Variants in CPED1 observed in about 807,000 individuals in gnomAD.
CPED1 encodes the protein cadherin-like and PC-esterase domain-containing protein 1.
In CPED1, 114 loss-of-function variants were observed where a neutral mutation model predicts 128.2. That is an observed-to-expected ratio of 0.89 (90% CI 0.76 to 1.04). The LOEUF (loss-of-function observed/expected upper bound fraction) is 1.04. Ranked by LOEUF, CPED1 falls within the 50% of genes least tolerant of loss-of-function variation. CPED1 has a pLI of 0.00. For missense variants in CPED1, 1,211 were observed against 1,207.1 expected (o/e 1.00, Z -0.05); for synonymous variants, 462 against 426.7 (o/e 1.08, Z -1.02).
chr7:121,185,616 A>G (rs1213850242), intron 16 of CPED1, among the ~76,000 whole-genome samples: 1 of 152,172 alleles, frequency 6.6e-6, no homozygotes, highest in Non-Finnish European at 1.5e-5. Context: ...GAGAAAGACA[A>G]TGTTCAACAT....
intron 17 of CPED1, among the ~76,000 whole-genome samples, chr7:121,242,919 T>G (rs760849753): frequency 9.2e-5 from 14 of 152,168 alleles, no homozygotes; most frequent in Non-Finnish European, 1.6e-4. Context: ...ATCTTTCATA[T>G]TTTATATTAA....
At chr7:121,272,679 C>T (rs1682288675) in intron 22 of CPED1, among the ~76,000 whole-genome samples, 1 of 152,094 alleles carries the variant, frequency 6.6e-6, no homozygotes, top group Non-Finnish European at 1.5e-5. Flanking sequence ...GCTGGAAATA[C>T]AGTTAGTTCC....
intron 16 of CPED1, among the ~76,000 whole-genome samples, chr7:121,185,052 G>T (rs942148287): frequency 1.3e-5 from 2 of 151,998 alleles, no homozygotes; most frequent in African/African-American, 4.8e-5. Context: ...TTTCAGACAT[G>T]GATGCTGTTT....
intron 16 of CPED1, among the ~76,000 whole-genome samples, chr7:121,160,128 A>C (rs1374886427): frequency 1.3e-5 from 2 of 151,964 alleles, no homozygotes; most frequent in East Asian, 1.9e-4. Flanking sequence ...TTTTTATTTA[A>C]TTTTAAATGT....
intron 5 of CPED1, among the ~76,000 whole-genome samples, chr7:121,074,512 T>TTTTTTTG (rs1189272102): frequency 8.9e-5 from 12 of 134,658 alleles, no homozygotes; most frequent in African/African-American, 3.6e-4. Context: ...CCTTTGTGTT[T>TTTTTTTG]TTTTTTTTTT....
chr7:121,274,058 T>C (rs1464247283), intron 22 of CPED1, among the ~76,000 whole-genome samples: 1 of 152,186 alleles, frequency 6.6e-6, no homozygotes, highest in East Asian at 1.9e-4. Context: ...ATAATGTGTC[T>C]TCAATTCATA....
intron 16 of CPED1, among the ~76,000 whole-genome samples, chr7:121,146,635 C>T (rs1796029692): frequency 6.6e-6 from 1 of 152,086 alleles, no homozygotes; most frequent in Admixed American, 6.6e-5. Context: ...ATTACAATAA[C>T]ATTTTGATAA....
intron 3 of CPED1, among the ~76,000 whole-genome samples, chr7:121,033,961 G>C (rs1241722343): frequency 1.3e-5 from 2 of 152,096 alleles, no homozygotes; most frequent in African/African-American, 4.8e-5. Flanking sequence ...TGTTAACCCA[G>C]ATATGATGAG....
intron 16 of CPED1, among the ~76,000 whole-genome samples, chr7:121,164,720 C>G (rs557979763): frequency 6.6e-6 from 1 of 152,272 alleles, no homozygotes; most frequent in South Asian, 2.1e-4. Flanking sequence ...GGTGCATTCT[C>G]TTTTCAATAC....
intron 14 of CPED1, among the ~76,000 whole-genome samples, chr7:121,139,114 C>A (rs1457706112): frequency 2.0e-5 from 3 of 151,772 alleles, no homozygotes; most frequent in Non-Finnish European, 4.4e-5. Flanking sequence ...CTGTTAGGAT[C>A]GTTGAAATTA....
chr7:121,080,656 T>C (rs1362784497), intron 5 of CPED1, among the ~76,000 whole-genome samples: 1 of 152,140 alleles, frequency 6.6e-6, no homozygotes, highest in Non-Finnish European at 1.5e-5. Flanking sequence ...GAAAGAGAAC[T>C]ATACTGTACT....
At chr7:121,088,607 C>T (rs1343102491) in intron 5 of CPED1, among the ~76,000 whole-genome samples, 1 of 150,104 alleles carries the variant, frequency 6.7e-6, no homozygotes, top group Non-Finnish European at 1.5e-5. Context: ...TGCAGTGAGC[C>T]GAGATTGTCC....
intron 16 of CPED1, among the ~76,000 whole-genome samples, chr7:121,197,867 A>G (rs550399906): frequency 6.6e-6 from 1 of 152,270 alleles, no homozygotes; most frequent in Admixed American, 6.5e-5. Context: ...TGTGGAGTAT[A>G]CAAAGTTGAT....
At chr7:121,085,583 A>G (rs1794404295) in intron 5 of CPED1, among the ~76,000 whole-genome samples, 3 of 152,128 alleles carry the variant, frequency 2.0e-5, no homozygotes, top group South Asian at 4.1e-4. Context: ...CTTTTTTGTC[A>G]TCCTGGTATC....
chr7:121,255,377 C>T (rs1486984530), intron 18 of CPED1, among the ~76,000 whole-genome samples: 1 of 151,974 alleles, frequency 6.6e-6, no homozygotes, highest in African/African-American at 2.4e-5. Flanking sequence ...TGATAAAAAA[C>T]TCTCAACAAA....
chr7:121,218,131 C>T (rs1174814044), intron 16 of CPED1, among the ~76,000 whole-genome samples: 2 of 151,218 alleles, frequency 1.3e-5, no homozygotes, highest in Admixed American at 1.3e-4. Flanking sequence ...ATTACAGGCA[C>T]CCTCCACCAT....
At position 120,989,465 on chromosome 7, in the gene CPED1, T is replaced by C. The variant is rs1475430666; in HGVS notation, c.-157T>C. The C allele has an allele frequency of 4.5e-6, 4 of 895,738 alleles. No homozygotes were observed. The highest frequency in any genetic ancestry group is 6.7e-6 in the Non-Finnish European group (4 of 593,964). The allele number at this position is 895,738 out of a possible 1,614,324, so 55.5% of individuals were successfully genotyped here. ...CAGACTTTCGGGACCTATGATTCTT[T>C]GGCACAACCTTTTGGAAAATTCTTA... On this transcript the variant is annotated 5_prime_UTR_variant, in exon 2 of 23. Transcript: ENST00000310396.
At chr7:121,189,750 T>C (rs1797085653) in intron 16 of CPED1, among the ~76,000 whole-genome samples, 1 of 85,778 alleles carries the variant, frequency 1.2e-5, no homozygotes, top group Non-Finnish European at 2.4e-5. Flanking sequence ...TTTTACTTTC[T>C]TATGAGGTTT....
chr7:121,124,936 T>C lies in CPED1; in HGVS notation c.1061+463T>C, dbSNP rs1404828489. On this transcript the variant is annotated intron_variant, in intron 8 of 22. Coordinates refer to ENST00000310396, the MANE Select transcript of CPED1 (RefSeq NM_024913.5). ...TTACTTGACTATAACTTATTGCCTTTGTTCTAAGGAAATGTTAAATCTCGT... is the reference window on the plus strand; with the variant it reads ...TTACTTGACTATAACTTATTGCCTTCGTTCTAAGGAAATGTTAAATCTCGT... 2.0e-5 allele frequency among the ~76,000 whole-genome samples: 3 copies of C among 152,192 alleles called. No individual in the cohort carries two copies. The East Asian group carries it at 5.8e-4, about 29-fold the overall frequency.
Sources: gnomAD v4.1 joint callset for allele counts (sites outside exome capture counted in the v4.1 genomes callset) on GRCh38, gnomAD v4.1.1 for gene constraint, MANE v1.5 for transcripts, NCBI Gene and HGNC (gene_info 2026-07-23, HGNC 2026-07-21) for gene names.